ASAP1: variants seen among roughly 807,000 people sequenced by gnomAD.
ASAP1 encodes ArfGAP with SH3 domain, ankyrin repeat and PH domain 1.
ASAP1 carries 43 observed loss-of-function variants against 145.2 expected under a neutral mutation model. The observed-to-expected ratio is 0.30, with a 90% CI of 0.23 to 0.38. The LOEUF (loss-of-function observed/expected upper bound fraction) is 0.38, where lower values mean the gene tolerates loss of function less well. ASAP1 is among the 10% of genes least tolerant of loss of function. ASAP1 has a pLI of 1.00. For synonymous variants in ASAP1, 546 were observed against 515.5 expected (o/e 1.06, Z -0.80); for missense variants, 1,018 against 1,355.3 (o/e 0.75, Z 3.91).
intron 13 of ASAP1, among the ~76,000 whole-genome samples, chr8:130,146,495 G>A (rs139643704): frequency 1.3e-5 from 2 of 152,186 alleles, no homozygotes; most frequent in South Asian, 2.1e-4. Context: ...CTGTTGGAGC[G>A]AAGAAAAATA....
Position 130,210,489 on chromosome 8 carries a change from G to T in ASAP1, c.405+4067C>A, listed in dbSNP as rs1367814110. On this transcript the variant is annotated intron_variant, in intron 5 of 29. Transcript: ENST00000518721. ...GAGGTCCTAAAACCAAAAAGTTTGA[G>T]AACTACCATCTAACACTCTCACTCT... is the stretch of plus-strand genomic sequence containing the variant. Among the ~76,000 whole-genome samples, 4 of 152,238 alleles carry T rather than the reference G, an allele frequency of 2.6e-5. 1 individual carries two copies. The East Asian group carries it at 5.8e-4, about 22-fold the overall frequency.
chr8:130,136,263 T>C (rs1160777672), intron 14 of ASAP1, among the ~76,000 whole-genome samples: 1 of 152,052 alleles, frequency 6.6e-6, no homozygotes. Flanking sequence ...TTACACACTA[T>C]GAGGGCACAG....
rs1284858707 is a variant in ASAP1 at position 130,278,103 on chromosome 8, A to AATT, written c.187-41110_187-41109insAAT. ...AAAAAAAAATCAAAGGGCCTTATAA[A>AATT]AGTTATGTAAATTAGTACCAATATC... On this transcript the variant is annotated intron_variant, in intron 3 of 29. Coordinates refer to ENST00000518721, the MANE Select transcript of ASAP1 (RefSeq NM_018482.4). Among the ~76,000 whole-genome samples, 13 of 152,278 alleles carry AATT rather than the reference A, an allele frequency of 8.5e-5. No homozygotes were observed. The East Asian group carries it at 2.5e-3, about 29-fold the overall frequency.
chr8:130,075,306 T>C (rs1204375909), intron 27 of ASAP1, among the ~76,000 whole-genome samples: 1 of 152,178 alleles, frequency 6.6e-6, no homozygotes, highest in Non-Finnish European at 1.5e-5. Flanking sequence ...GAATCAGCAG[T>C]CATTTGGGAG....
At chr8:130,439,596 C>T (rs1830425672) in intron 1 of ASAP1, among the ~76,000 whole-genome samples, 2 of 152,136 alleles carry the variant, frequency 1.3e-5, no homozygotes, top group Admixed American at 6.5e-5. Context: ...AAAAGGGTAA[C>T]TTCAGTTGAA....
chr8:130,164,675 T>C (rs1285225127), intron 11 of ASAP1, among the ~76,000 whole-genome samples: 1 of 152,192 alleles, frequency 6.6e-6, no homozygotes, highest in Non-Finnish European at 1.5e-5. Flanking sequence ...TACAAAAGCT[T>C]AATATAATTT....
chr8:130,114,488 A>G (rs2097551601), intron 23 of ASAP1, among the ~76,000 whole-genome samples: 2 of 152,222 alleles, frequency 1.3e-5, no homozygotes, highest in Admixed American at 6.5e-5. Flanking sequence ...TCTGGGTGTG[A>G]GTGAAGGCCT....
chr8:130,210,985 T>C (rs1230142402), intron 5 of ASAP1, among the ~76,000 whole-genome samples: 1 of 152,204 alleles, frequency 6.6e-6, no homozygotes, highest in Non-Finnish European at 1.5e-5. Context: ...CTCTTATTTA[T>C]TTTTAGAGAC....
At chr8:130,063,848 A>G (rs1468055636) in intron 27 of ASAP1, among the ~76,000 whole-genome samples, 1 of 152,120 alleles carries the variant, frequency 6.6e-6, no homozygotes, top group Non-Finnish European at 1.5e-5. Flanking sequence ...CAGCTGATGG[A>G]AAGAACTAGG....
At chr8:130,084,455 G>A (rs1313736155) in intron 25 of ASAP1, 3 of 152,210 alleles carry the variant, frequency 2.0e-5, no homozygotes, top group Non-Finnish European at 2.9e-5. Context: ...GAGAAAGTTG[G>A]AGATACCTCC....
At chr8:130,104,293 T>C (rs1186101053) in intron 24 of ASAP1, among the ~76,000 whole-genome samples, 1 of 152,240 alleles carries the variant, frequency 6.6e-6, no homozygotes, top group Non-Finnish European at 1.5e-5. Flanking sequence ...AAGAAATCAA[T>C]GTACTTTATG....
intron 2 of ASAP1, among the ~76,000 whole-genome samples, chr8:130,382,285 CAAAAAAAAAAAA>C (rs35060121): frequency 2.7e-5 from 2 of 73,480 alleles, no homozygotes; most frequent in South Asian, 5.9e-4. Flanking sequence ...GATTCTGTCT[CAAAAAAAAAAAA>C]AAAAAAAAAA....
chr8:130,061,697 G>A (rs1336160575), intron 27 of ASAP1, among the ~76,000 whole-genome samples: 3 of 152,100 alleles, frequency 2.0e-5, no homozygotes, highest in Admixed American at 6.5e-5. Flanking sequence ...TGATACACAC[G>A]CGTGTGCTAT....
intron 28 of ASAP1, among the ~76,000 whole-genome samples, chr8:130,059,169 T>A (rs188563095): frequency 0.018 from 2,467 of 136,830 alleles, 97 homozygotes; most frequent in Admixed American, 0.1. Flanking sequence ...AACATTTAAA[T>A]TTTTTTTTTT....
intron 25 of ASAP1, among the ~76,000 whole-genome samples, chr8:130,090,248 C>T (rs889757227): frequency 2.0e-5 from 3 of 149,660 alleles, no homozygotes; most frequent in Admixed American, 6.6e-5. Flanking sequence ...TGAATAAAGG[C>T]ACTTCAAACC....
chr8:130,339,087 A>C (rs1308627201), intron 3 of ASAP1, among the ~76,000 whole-genome samples: 1 of 152,204 alleles, frequency 6.6e-6, no homozygotes, highest in Non-Finnish European at 1.5e-5. Context: ...AATCCTAAGG[A>C]AACTTAAATA....
At chr8:130,196,339 T>C (rs1273775722) in intron 5 of ASAP1, among the ~76,000 whole-genome samples, 1 of 137,244 alleles carries the variant, frequency 7.3e-6, no homozygotes, top group African/African-American at 2.6e-5. Flanking sequence ...TGAAACTCCA[T>C]CTCAAAAAAA....
At chr8:130,178,589 A>G (rs1422919902) in intron 9 of ASAP1, among the ~76,000 whole-genome samples, 1 of 152,258 alleles carries the variant, frequency 6.6e-6, no homozygotes, top group African/African-American at 2.4e-5. Flanking sequence ...TTTAGATGAA[A>G]CAAAACAAAA....
chr8:130,129,712 T>C (rs1469709796), intron 15 of ASAP1, among the ~76,000 whole-genome samples: 2 of 152,124 alleles, frequency 1.3e-5, no homozygotes, highest in Non-Finnish European at 2.9e-5. Flanking sequence ...AATTATGTTT[T>C]TGGAGTATGT....
Sources: allele counts gnomAD v4.1 joint callset (sites outside exome capture counted in the v4.1 genomes callset), GRCh38; gene constraint gnomAD v4.1.1; transcripts MANE v1.5; gene names NCBI Gene and HGNC (gene_info 2026-07-23, HGNC 2026-07-21).